The following ZNF345 variants were observed in gnomAD, a reference collection of about 807,000 sequenced individuals.
ZNF345 encodes zinc finger protein HZF10.
For missense variants in ZNF345, 527 were observed against 589.9 expected (o/e 0.89, Z 1.10); for synonymous variants, 166 against 187.9 (o/e 0.88, Z 0.95).
At chr19:36,853,820 A>G (rs1161990320) in intron 2 of ZNF345, among the ~76,000 whole-genome samples, 3 of 152,130 alleles carry the variant, frequency 2.0e-5, no homozygotes, top group Non-Finnish European at 2.9e-5. Flanking sequence ...GTAACTTTGT[A>G]TTTGGAGCAA....
intron 2 of ZNF345, among the ~76,000 whole-genome samples, chr19:36,867,580 T>G (rs771975544): frequency 6.6e-6 from 1 of 152,208 alleles, no homozygotes; most frequent in Non-Finnish European, 1.5e-5. Flanking sequence ...AATTTAAGAA[T>G]TAATTGCCAA....
In ZNF345 at chr19:36,877,781, G is replaced by A. The variant is rs909732235; in HGVS notation, c.951G>A (p.Lys317=). ...IHTGEKPYEC[K]ECEKAFRSGS... The stretch of plus-strand genomic sequence containing the variant: ...CTGGTGAGAAACCCTATGAGTGTAA[G>A]GAGTGTGAGAAAGCCTTTAGAAGTG... The change falls in exon 3 of 3, where the codon AAG becomes AAA. Residue 317 remains lysine (K), a synonymous_variant. Transcript: ENST00000420450. 2 of 1,613,756 alleles carry A rather than the reference G, an allele frequency of 1.2e-6. No homozygotes were observed. Among genetic ancestry groups the A allele is most frequent in the Non-Finnish European group, 1.7e-6 (2 of 1,179,950 alleles).
At chr19:36,875,310 G>T (rs531760106) in intron 2 of ZNF345, among the ~76,000 whole-genome samples, 4 of 152,174 alleles carry the variant, frequency 2.6e-5, no homozygotes, top group African/African-American at 9.6e-5. Flanking sequence ...ATATTTTAAA[G>T]ATACATCATT....
intron 2 of ZNF345, among the ~76,000 whole-genome samples, chr19:36,854,235 GTT>G (rs34215056): frequency 7.2e-6 from 1 of 138,678 alleles, no homozygotes. Flanking sequence ...CCTGGGTTTT[GTT>G]TTTTTTTTTT....
chr19:36,854,298 T>G (rs912194828), intron 2 of ZNF345, among the ~76,000 whole-genome samples: 5 of 150,088 alleles, frequency 3.3e-5, no homozygotes, highest in Non-Finnish European at 5.9e-5. Context: ...CTCCTCCACC[T>G]CTTCCTCCTC....
chr19:36,882,226 A>G (rs1337505129), downstream of ZNF345, among the ~76,000 whole-genome samples: 4 of 152,096 alleles, frequency 2.6e-5, no homozygotes, highest in African/African-American at 9.7e-5. Flanking sequence ...GAAGCATTTA[A>G]GGCTACAAGA....
intron 3 of ZNF345, among the ~76,000 whole-genome samples, chr19:36,886,130 ATATGAC>A (rs1412154943): frequency 2.6e-5 from 4 of 152,246 alleles, no homozygotes; most frequent in African/African-American, 7.2e-5. Context: ...ATTCATACTG[ATATGAC>A]TATATTATCA....
At chr19:36,861,314 T>G (rs1470392842) in intron 2 of ZNF345, among the ~76,000 whole-genome samples, 1 of 152,222 alleles carries the variant, frequency 6.6e-6, no homozygotes, top group African/African-American at 2.4e-5. Flanking sequence ...ATGTGAATAT[T>G]TGGAAACCAA....
chr19:36,871,340 A>G (rs1452985477), intron 2 of ZNF345, among the ~76,000 whole-genome samples: 2 of 152,194 alleles, frequency 1.3e-5, no homozygotes, highest in African/African-American at 4.8e-5. Context: ...GGACACAAAC[A>G]TTCAGACTCT....
intron 2 of ZNF345, among the ~76,000 whole-genome samples, chr19:36,857,506 T>A (rs2072447336): frequency 1.3e-5 from 2 of 152,064 alleles, no homozygotes; most frequent in Middle Eastern, 3.4e-3. Flanking sequence ...ACGGGGTTTC[T>A]CCATGTTGGT....
intron 2 of ZNF345, among the ~76,000 whole-genome samples, chr19:36,865,907 C>A (rs970422700): frequency 6.6e-6 from 1 of 152,134 alleles, no homozygotes; most frequent in South Asian, 2.1e-4. Context: ...TTATCAAATT[C>A]TCTGATTGTT....
At chr19:36,854,679 A>G (rs1750583739) in intron 2 of ZNF345, 1 of 152,036 alleles carries the variant, frequency 6.6e-6, no homozygotes, top group South Asian at 2.1e-4. Flanking sequence ...ATTTTCTTTT[A>G]TTCTTGGCCT....
rs540379288 is a variant in ZNF345 at position 36,874,353 on chromosome 19, G to C, written c.-46-2432G>C. On this transcript the variant is annotated intron_variant, in intron 2 of 2. Coordinates refer to ENST00000420450, the MANE Select transcript of ZNF345 (RefSeq NM_001242472.2). ...TACTGAAAATACAAAAATCAGCCAG[G>C]TGTGGTGGTGGGCACCTGCAATCCC... 1.9e-4 allele frequency among the ~76,000 whole-genome samples: 29 copies of C among 152,226 alleles called. 2 individuals are homozygous for C. The South Asian group carries it at 6.0e-3, about 32-fold the overall frequency.
chr19:36,863,464 G>T (rs903139889), intron 2 of ZNF345, among the ~76,000 whole-genome samples: 2 of 152,164 alleles, frequency 1.3e-5, no homozygotes, highest in African/African-American at 4.8e-5. Context: ...AGTGATTTAG[G>T]AGTTCAAGAT....
chr19:36,876,284 C>T (rs1311589021), intron 2 of ZNF345, among the ~76,000 whole-genome samples: 2 of 152,112 alleles, frequency 1.3e-5, no homozygotes, highest in African/African-American at 4.8e-5. Context: ...TTTCTGTCTC[C>T]ATCAGTTTAT....
At chr19:36,876,117 T>C (rs543609804) in intron 2 of ZNF345, among the ~76,000 whole-genome samples, 1 of 152,328 alleles carries the variant, frequency 6.6e-6, no homozygotes, top group South Asian at 2.1e-4. Flanking sequence ...TCTCTCAATG[T>C]TATCATCATA....
rs1449094407 is a variant in ZNF345, at chr19:36,877,494, C to T, written c.664C>T (p.Arg222Trp). 3.1e-6 allele frequency: 5 copies of T among 1,613,236 alleles called. No individual in the cohort carries two copies. The highest frequency in any genetic ancestry group is 2.2e-5 in the East Asian group (1 of 44,810). The change falls in exon 3 of 3, where the codon CGG (arginine) becomes TGG (tryptophan). Residue 222 changes from arginine to tryptophan, a missense_variant. Physicochemically the swap from Arg to Trp is moderately radical, Grantham distance 101 (BLOSUM62 -3). Transcript: ENST00000420450. ...GSGSNLTQHR[R>W]IHTGEKPYEC... ...TGGTTCAAACCTTACTCAACATCGGCGGATTCATACTGGTGAGAAACCTTA... is the reference window on the plus strand; with the variant it reads ...TGGTTCAAACCTTACTCAACATCGGTGGATTCATACTGGTGAGAAACCTTA...
intron 2 of ZNF345, among the ~76,000 whole-genome samples, chr19:36,853,245 C>CTTTTTTTTTT (rs902150512): frequency 4.7e-5 from 5 of 106,530 alleles, no homozygotes; most frequent in African/African-American, 7.4e-5. Context: ...TTCTTTCTTT[C>CTTTTTTTTTT]TTTTTTTTTT....
At chr19:36,889,764 A>AT (rs1396048192) in intron 3 of ZNF345, 24 of 151,504 alleles carry the variant, frequency 1.6e-4, no homozygotes, top group African/African-American at 5.8e-4. Flanking sequence ...TCTCAGTCTC[A>AT]TTTTTGCCTG....
Sources: allele counts gnomAD v4.1 joint callset (sites outside exome capture counted in the v4.1 genomes callset), GRCh38; gene constraint gnomAD v4.1.1; transcripts MANE v1.5; gene names NCBI Gene and HGNC (gene_info 2026-07-23, HGNC 2026-07-21).